Variants in SMAD2 observed in about 807,000 individuals in gnomAD.
SMAD2 encodes the protein SMAD family member 2, also known as MAD homolog 2.
A neutral mutation model predicts 64.4 loss-of-function variants in SMAD2; 8 were observed. That is an observed-to-expected ratio of 0.12 (90% CI 0.07 to 0.22). The LOEUF is 0.22. Ranked by LOEUF, SMAD2 falls within the 10% of genes least tolerant of loss-of-function variation. The pLI, the probability that SMAD2 is intolerant of heterozygous loss-of-function variation, is 1.00. For missense variants in SMAD2, 289 were observed against 561.2 expected, an observed-to-expected ratio of 0.51 and a Z score of 4.90; for synonymous variants, 203 against 195.8, an observed-to-expected ratio of 1.04 and a Z score of -0.31.
At chr18:47,897,020 C>A (rs1170624572) in intron 1 of SMAD2, among the ~76,000 whole-genome samples, 5 of 152,124 alleles carry the variant, frequency 3.3e-5, no homozygotes, top group African/African-American at 4.8e-5. Context: ...TGTAAGGACT[C>A]CTCTTGTGGG....
chr18:47,830,737 T>G lies in SMAD2; in HGVS notation c.*11090A>C, dbSNP rs1912955761. ...TATAGTTTAGAGGCAAGACCTCTCA[T>G]GAAGAAAAACTTTACAAGATTTAAA... On this transcript the variant is annotated 3_prime_UTR_variant, in exon 11 of 11. Coordinates refer to ENST00000262160, the MANE Select transcript of SMAD2 (RefSeq NM_005901.6). 1.3e-5 allele frequency: 2 copies of G among 153,936 alleles called. No individual in the cohort carries two copies. The highest frequency in any genetic ancestry group is 2.4e-5 in the African/African-American group (1 of 41,518). 9.5% of individuals were successfully genotyped at this position (153,936 alleles called of 1,614,324 possible). A position where few individuals can be genotyped will look rare whatever the true frequency, so the allele number is the denominator to read the frequency against.
Position 47,839,234 on chromosome 18 carries a change from G to C in SMAD2, c.*2593C>G, listed in dbSNP as rs561144743. On this transcript the variant is annotated 3_prime_UTR_variant, in exon 11 of 11. Coordinates refer to ENST00000262160, the MANE Select transcript of SMAD2 (RefSeq NM_005901.6). ...AACTGTAGAGATGCGCTCCACTACTGAAACAGCATAGTAGGCACTGCTTGA... is the reference window on the plus strand; with the variant it reads ...AACTGTAGAGATGCGCTCCACTACTCAAACAGCATAGTAGGCACTGCTTGA... 1.3e-5 allele frequency: 3 copies of C among 233,150 alleles called. No homozygotes were observed. The highest frequency in any genetic ancestry group is 2.5e-5 in the Non-Finnish European group (3 of 118,038). The allele number at this position is 233,150 out of a possible 1,614,324, so 14.4% of individuals were successfully genotyped here.
At chr18:47,874,004 ACT>A (rs1279663828) in intron 2 of SMAD2, among the ~76,000 whole-genome samples, 3 of 152,176 alleles carry the variant, frequency 2.0e-5, no homozygotes, top group African/African-American at 7.2e-5. Flanking sequence ...GTGACTGTGA[ACT>A]CTGCCCAAAC....
rs1913128714 is a variant in SMAD2 at position 47,833,630 on chromosome 18, CTTA to C, written c.*8194_*8196del. On this transcript the variant is annotated 3_prime_UTR_variant, in exon 11 of 11. Coordinates refer to ENST00000262160, the MANE Select transcript of SMAD2 (RefSeq NM_005901.6). ...GCTCAATGTTCTAGCTGGTAAGCAC[CTTA>C]TGAGTATGAGGCTACAATTGAGAGA... The C allele has an allele frequency of 4.3e-6, 1 of 231,016 alleles. No homozygotes were observed. The highest frequency in any genetic ancestry group is 2.2e-5 in the African/African-American group (1 of 45,172). The allele number at this position is 231,016 out of a possible 1,614,324, so 14.3% of individuals were successfully genotyped here. A position where few individuals can be genotyped will look rare whatever the true frequency, so the allele number is the denominator to read the frequency against.
chr18:47,894,506 A>G (rs2033345902), intron 2 of SMAD2, among the ~76,000 whole-genome samples: 1 of 152,026 alleles, frequency 6.6e-6, no homozygotes, highest in African/African-American at 2.4e-5. Flanking sequence ...AGGATACCCA[A>G]CTTGTTTGGA....
rs1012973334 is a variant in SMAD2 at position 47,833,967 on chromosome 18, G to A, written c.*7860C>T. On this transcript the variant is annotated 3_prime_UTR_variant, in exon 11 of 11. Coordinates refer to ENST00000262160, the MANE Select transcript of SMAD2 (RefSeq NM_005901.6). The stretch of plus-strand genomic sequence containing the variant: ...AGGTTCAGAAGAACTTAGCTATCTA[G>A]TTGGCCTCTTCTCTGTTCCATTATA... 9 of 224,046 alleles carry A rather than the reference G, an allele frequency of 4.0e-5. No homozygotes were observed. The highest frequency in any genetic ancestry group is 1.8e-4 in the African/African-American group (8 of 44,526). 13.9% of individuals were successfully genotyped at this position (224,046 alleles called of 1,614,324 possible).
rs528880147 is a variant in SMAD2, at chr18:47,891,473, T to C, written c.236+5048A>G. ...TGATTTTTCCACCGTATAATCATGG[T>C]TGATTTTTCAGTTATGTACATGCTA... On this transcript the variant is annotated intron_variant, in intron 2 of 10. Transcript: ENST00000262160. Among the ~76,000 whole-genome samples the C allele has an allele frequency of 1.2e-4, 18 of 152,192 alleles. 1 individual carries two copies. In the South Asian group the frequency reaches 3.7e-3, roughly 32 times the overall value.
intron 1 of SMAD2, chr18:47,923,448 G>A (rs1371526924): frequency 6.6e-6 from 1 of 152,184 alleles, no homozygotes; most frequent in East Asian, 1.9e-4. Flanking sequence ...GTCTAATACA[G>A]TAGCCATCAG....
rs1291280552 is a variant in SMAD2 at position 47,831,660 on chromosome 18, T to C, written c.*10167A>G. On this transcript the variant is annotated 3_prime_UTR_variant, in exon 11 of 11. Coordinates refer to ENST00000262160, the MANE Select transcript of SMAD2 (RefSeq NM_005901.6). ...TAGCTTCCTAAGTATGCTTAGTCTA[T>C]TGTTCATTTATCACTGAATCTGTTA... is the stretch of plus-strand genomic sequence containing the variant. 6.8e-6 allele frequency: 1 copy of C among 147,214 alleles called. No homozygotes were observed. Among genetic ancestry groups the C allele is most frequent in the Non-Finnish European group, 1.5e-5 (1 of 67,988 alleles). 9.1% of individuals were successfully genotyped at this position (147,214 alleles called of 1,614,324 possible). A position where few individuals can be genotyped will look rare whatever the true frequency, so the allele number is the denominator to read the frequency against.
chr18:47,881,602 C>T (rs936207336), intron 2 of SMAD2, among the ~76,000 whole-genome samples: 5 of 152,140 alleles, frequency 3.3e-5, no homozygotes, highest in African/African-American at 9.7e-5. Flanking sequence ...TGACTCATTG[C>T]GCTTGCTAGG....
chr18:47,848,439 G>T (rs1914750266), intron 8 of SMAD2, 36 bp downstream of exon 8: 2 of 1,453,638 alleles, frequency 1.4e-6, no homozygotes, highest in Non-Finnish European at 1.9e-6. Context: ...TGAGTATACA[G>T]CATTTATTTT....
At chr18:47,904,047 C>G (rs2033805798) in intron 1 of SMAD2, among the ~76,000 whole-genome samples, 1 of 151,900 alleles carries the variant, frequency 6.6e-6, no homozygotes, top group African/African-American at 2.4e-5. Context: ...AAAACACATT[C>G]ATGGTCAACC....
At chr18:47,901,435 G>A (rs1212900229) in intron 1 of SMAD2, among the ~76,000 whole-genome samples, 1 of 151,874 alleles carries the variant, frequency 6.6e-6, no homozygotes, top group African/African-American at 2.4e-5. Context: ...GATGATTTTT[G>A]CCATTTACTT....
At chr18:47,878,740 A>G (rs756085744) in intron 2 of SMAD2, among the ~76,000 whole-genome samples, 3 of 152,236 alleles carry the variant, frequency 2.0e-5, no homozygotes, top group Non-Finnish European at 4.4e-5. Context: ...ACTTCCATGA[A>G]CAAGCTTTCC....
At chr18:47,845,620 GC>G in intron 9 of SMAD2, 42 bp downstream of exon 9, 1 of 1,609,536 alleles carries the variant, frequency 6.2e-7, no homozygotes, top group Non-Finnish European at 8.5e-7. Context: ...GAAAAACTAA[GC>G]AAGTTGACAT....
rs142558408 is a variant in SMAD2 at position 47,834,259 on chromosome 18, T to C, written c.*7568A>G. The C allele has an allele frequency of 3.3e-5, 7 of 210,222 alleles. No homozygotes were observed. In the East Asian group the frequency reaches 4.3e-4, roughly 13 times the overall value. The allele number at this position is 210,222 out of a possible 1,614,324, so 13.0% of individuals were successfully genotyped here. On this transcript the variant is annotated 3_prime_UTR_variant, in exon 11 of 11. Transcript: ENST00000262160. ...GTGTGCCTGGGACTTGTTTTGAGTT[T>C]AGCAAAAACTTTACAAGATTAAAAA...
intron 6 of SMAD2, among the ~76,000 whole-genome samples, chr18:47,856,052 C>G (rs1401649845): frequency 6.6e-6 from 1 of 151,988 alleles, no homozygotes; most frequent in Non-Finnish European, 1.5e-5. Context: ...GGAGATCCTA[C>G]CACTTTTGGC....
intron 1 of SMAD2, among the ~76,000 whole-genome samples, chr18:47,903,409 C>G (rs1165643852): frequency 6.6e-6 from 1 of 152,066 alleles, no homozygotes; most frequent in East Asian, 1.9e-4. Flanking sequence ...AAGGAATTGA[C>G]AGCTGAGCTA....
Position 47,834,614 on chromosome 18 carries a change from C to T in SMAD2, c.*7213G>A, listed in dbSNP as rs890891928. On this transcript the variant is annotated 3_prime_UTR_variant, in exon 11 of 11. Coordinates refer to ENST00000262160, the MANE Select transcript of SMAD2 (RefSeq NM_005901.6). ...CTAGCTAATGGCTAGTTCCTCTAAG[C>T]TTGCTAAAAGGCTAGGAAGTCCAGA... is the stretch of plus-strand genomic sequence containing the variant. 5 of 201,180 alleles carry T rather than the reference C, an allele frequency of 2.5e-5. No individual in the cohort carries two copies. The highest frequency in any genetic ancestry group is 4.9e-5 in the African/African-American group (2 of 40,490). The allele number at this position is 201,180 out of a possible 1,614,324, so 12.5% of individuals were successfully genotyped here.
Sources: gnomAD v4.1 joint callset for allele counts (sites outside exome capture counted in the v4.1 genomes callset) on GRCh38, gnomAD v4.1.1 for gene constraint, MANE v1.5 for transcripts, NCBI Gene and HGNC (gene_info 2026-07-23, HGNC 2026-07-21) for gene names.